Variants in CDC5L observed in about 807,000 individuals in gnomAD.
CDC5L encodes cell division cycle 5-like protein.
CDC5L carries 18 observed loss-of-function variants against 104.1 expected under a neutral mutation model. The ratio of observed to expected loss-of-function variants is 0.17; its 90% confidence interval spans 0.12 to 0.26. The LOEUF (loss-of-function observed/expected upper bound fraction) is 0.26, where lower values mean the gene tolerates loss of function less well. CDC5L is among the 10% of genes least tolerant of loss of function. The pLI is 1.00. For synonymous variants in CDC5L, 331 were observed against 322.7 expected (o/e 1.03, Z -0.28); for missense variants, 673 against 956.9 (o/e 0.70, Z 3.91).
intron 14 of CDC5L, among the ~76,000 whole-genome samples, chr6:44,442,653 T>C (rs933174495): frequency 1.3e-5 from 2 of 152,280 alleles, no homozygotes; most frequent in East Asian, 3.9e-4. Context: ...TTTATTCCCT[T>C]AACAAATTGT....
intron 8 of CDC5L, among the ~76,000 whole-genome samples, chr6:44,414,589 G>A (rs1379158913): frequency 6.6e-6 from 1 of 151,622 alleles, no homozygotes; most frequent in East Asian, 1.9e-4. Context: ...TCCCACCCGA[G>A]TCTCCCAAAG....
intron 13 of CDC5L, among the ~76,000 whole-genome samples, 156 bp downstream of exon 13, chr6:44,426,880 A>C (rs186036439): frequency 1.2e-3 from 178 of 152,338 alleles, no homozygotes; most frequent in African/African-American, 3.5e-3. Context: ...TGTTATGAAA[A>C]GGACATGCTT....
intron 6 of CDC5L, among the ~76,000 whole-genome samples, chr6:44,404,717 CAAG>C (rs899881652): frequency 5.3e-5 from 8 of 151,462 alleles, no homozygotes; most frequent in African/African-American, 1.9e-4. Flanking sequence ...TTTTTTAAGA[CAAG>C]GTCTCACTCT....
intron 8 of CDC5L, among the ~76,000 whole-genome samples, chr6:44,412,583 C>G (rs559949182): frequency 7.2e-6 from 1 of 138,656 alleles, no homozygotes; most frequent in Admixed American, 7.5e-5. Context: ...AATATTCACA[C>G]TTGAAATTAA....
At position 44,426,093 on chromosome 6, in the gene CDC5L, C is replaced by A. The variant is rs759069651; in HGVS notation, c.1570-10C>A. 2 of 1,565,328 alleles carry A rather than the reference C, an allele frequency of 1.3e-6. No individual in the cohort carries two copies. Among genetic ancestry groups the A allele is most frequent in the Non-Finnish European group, 1.7e-6 (2 of 1,150,368 alleles). On this transcript the variant is annotated splice_polypyrimidine_tract_variant and intron_variant, in intron 11 of 15. Coordinates refer to ENST00000371477, the MANE Select transcript of CDC5L (RefSeq NM_001253.4). ...TAGCTGCAATAAAGGATATAAAAAT[C>A]ATTTTTTAGGCCATACGAGATGCAG...
chr6:44,424,172 G>A (rs1792315257), intron 10 of CDC5L, among the ~76,000 whole-genome samples: 1 of 151,986 alleles, frequency 6.6e-6, no homozygotes, highest in Non-Finnish European at 1.5e-5. Flanking sequence ...GTATATTTAT[G>A]GGGTACATGA....
At chr6:44,425,438 G>A (rs1424092676) in intron 11 of CDC5L, among the ~76,000 whole-genome samples, 1 of 152,142 alleles carries the variant, frequency 6.6e-6, no homozygotes, top group African/African-American at 2.4e-5. Flanking sequence ...CTCATGGTGG[G>A]TAAGTGGTGA....
chr6:44,405,941 G>T (rs1581647240), intron 6 of CDC5L, among the ~76,000 whole-genome samples: 2 of 146,960 alleles, frequency 1.4e-5, no homozygotes, highest in African/African-American at 2.5e-5. Context: ...TTTCTCTATT[G>T]CCCAGGCTGG....
intron 8 of CDC5L, among the ~76,000 whole-genome samples, chr6:44,412,517 T>C (rs1791692412): frequency 6.6e-6 from 1 of 151,582 alleles, no homozygotes; most frequent in Non-Finnish European, 1.5e-5. Context: ...CATGAACCAC[T>C]GCACCTGACC....
In CDC5L at chr6:44,448,253, G is replaced by T. The variant is rs1180365066; in HGVS notation, c.*1542G>T. 1 of 152,180 alleles carries T rather than the reference G, an allele frequency of 6.6e-6. No homozygotes were observed. The allele number at this position is 152,180 out of a possible 1,614,324, so 9.4% of individuals were successfully genotyped here. ...AAGGACAATGCAGCTAGAGTGTCAA[G>T]AATGGCATTTCTGTATATAAGACCT... On this transcript the variant is annotated 3_prime_UTR_variant, in exon 16 of 16. Coordinates refer to ENST00000371477, the MANE Select transcript of CDC5L (RefSeq NM_001253.4).
At chr6:44,408,380 G>A in intron 7 of CDC5L, 64 bp from the exon 8 acceptor site, 1 of 1,313,176 alleles carries the variant, frequency 7.6e-7, no homozygotes, top group African/African-American at 1.5e-5. Flanking sequence ...GGGATTACAA[G>A]TGTGAGCCAC....
intron 4 of CDC5L, among the ~76,000 whole-genome samples, chr6:44,393,816 C>T (rs1296120619): frequency 8.6e-5 from 13 of 151,944 alleles, no homozygotes; most frequent in Admixed American, 4.6e-4. Flanking sequence ...AGGTTTATGC[C>T]GCCATACCTG....
At chr6:44,424,319 T>G (rs1792323293) in intron 10 of CDC5L, 100 bp from the exon 11 acceptor site, 1 of 984,232 alleles carries the variant, frequency 1.0e-6, no homozygotes, top group Non-Finnish European at 1.5e-6. Flanking sequence ...TTATTTTGAC[T>G]AGAGTCACCC....
At chr6:44,429,163 A>G (rs1393799055) in intron 13 of CDC5L, among the ~76,000 whole-genome samples, 1 of 152,034 alleles carries the variant, frequency 6.6e-6, no homozygotes, top group African/African-American at 2.4e-5. Flanking sequence ...CTAGGATTAC[A>G]GGCATGTGCC....
chr6:44,435,819 G>A (rs144936177), intron 14 of CDC5L: 1 of 149,648 alleles, frequency 6.7e-6, no homozygotes, highest in Non-Finnish European at 1.5e-5. Context: ...TTTTGTTCCT[G>A]TTGCCCAGGC....
chr6:44,405,022 A>G (rs1188822106), intron 6 of CDC5L, among the ~76,000 whole-genome samples: 2 of 152,106 alleles, frequency 1.3e-5, no homozygotes, highest in Non-Finnish European at 2.9e-5. Context: ...GAAAAATTTT[A>G]CCTTGTTTTT....
chr6:44,417,750 G>A (rs538162279), intron 8 of CDC5L, among the ~76,000 whole-genome samples: 1 of 152,262 alleles, frequency 6.6e-6, no homozygotes, highest in East Asian at 1.9e-4. Context: ...CCCACAAGTT[G>A]TTTTCTTGTG....
At chr6:44,408,419 T>G (rs1265278977) in intron 7 of CDC5L, 25 bp from the exon 8 acceptor site, 3 of 1,577,774 alleles carry the variant, frequency 1.9e-6, no homozygotes, top group Non-Finnish European at 2.6e-6. Flanking sequence ...AAATGTTGCT[T>G]ACTATGATAA....
In CDC5L at chr6:44,449,831, A is replaced by G. The variant is rs1038485857; in HGVS notation, c.*3120A>G. On this transcript the variant is annotated 3_prime_UTR_variant, in exon 16 of 16. Transcript: ENST00000371477. ...TTTTATTTAGGAAATTTACATTTTT[A>G]CATTAGTGAGATTGGTCTTTTGGGC... is the stretch of plus-strand genomic sequence containing the variant. 4 of 151,096 alleles carry G rather than the reference A, an allele frequency of 2.6e-5. No homozygotes were observed. Among genetic ancestry groups the G allele is most frequent in the African/African-American group, 9.7e-5 (4 of 41,112 alleles). 9.4% of individuals were successfully genotyped at this position (151,096 alleles called of 1,614,324 possible).
Sources: gnomAD v4.1 joint callset for allele counts (sites outside exome capture counted in the v4.1 genomes callset) on GRCh38, gnomAD v4.1.1 for gene constraint, MANE v1.5 for transcripts, NCBI Gene and HGNC (gene_info 2026-07-23, HGNC 2026-07-21) for gene names.